GALNT13: variants seen among roughly 807,000 people sequenced by gnomAD.
GALNT13 encodes polypeptide N-acetylgalactosaminyltransferase 13, also known as UDP-GalNAc:polypeptide N-acetylgalactosaminyltransferase 13.
In GALNT13, 28 loss-of-function variants were observed where a neutral mutation model predicts 64.2. The ratio of observed to expected loss-of-function variants is 0.44; its 90% CI spans 0.32 to 0.60. The LOEUF (loss-of-function observed/expected upper bound fraction) is 0.60, where lower values mean the gene tolerates loss of function less well. Ranked by LOEUF, GALNT13 falls within the 20% of genes least tolerant of loss-of-function variation. The pLI is 0.05. For synonymous variants in GALNT13, 214 were observed against 224.6 expected (o/e 0.95, Z 0.42); for missense variants, 577 against 669.8 (o/e 0.86, Z 1.53).
chr2:154,232,369 T>G (rs917651384), intron 4 of GALNT13, among the ~76,000 whole-genome samples: 1 of 152,264 alleles, frequency 6.6e-6, no homozygotes, highest in East Asian at 1.9e-4. Flanking sequence ...TTCCCATTTA[T>G]TCCCAGTGAA....
At chr2:153,071,703 C>G in the GALNT13 span, among the ~76,000 whole-genome samples, 1 of 152,164 alleles carries the variant, frequency 6.6e-6, no homozygotes, top group African/African-American at 2.4e-5. Context: ...AATCCCCTTT[C>G]TGAAGAAATT....
At chr2:154,329,137 GCT>G (rs551960513) in intron 9 of GALNT13, among the ~76,000 whole-genome samples, 1 of 152,008 alleles carries the variant, frequency 6.6e-6, no homozygotes, top group Admixed American at 6.6e-5. Context: ...GATGAATCTA[GCT>G]CTGTCACCCA....
chr2:154,110,322 T>G lies in GALNT13; in HGVS notation c.143-30015T>G, dbSNP rs1309269983. 2.2e-3 allele frequency among the ~76,000 whole-genome samples: 71 copies of G among 32,548 alleles called. 6 individuals are homozygous for G. Among genetic ancestry groups the G allele is most frequent in the African/African-American group, 8.9e-3 (59 of 6,636 alleles). The allele number at this position is 32,548 out of a possible 152,430, so 21.4% of individuals were successfully genotyped here. On this transcript the variant is annotated intron_variant, in intron 3 of 12. Coordinates refer to ENST00000392825, the MANE Select transcript of GALNT13 (RefSeq NM_052917.4). Reference sequence around the variant, plus strand: ...ATATATATATATATATATATATATATATATATATATATATAGAGAGAGAGA... The same window carrying G: ...ATATATATATATATATATATATATAGATATATATATATATAGAGAGAGAGA...
chr2:154,212,843 T>C (rs986375798), intron 4 of GALNT13, among the ~76,000 whole-genome samples: 1 of 152,104 alleles, frequency 6.6e-6, no homozygotes, highest in Non-Finnish European at 1.5e-5. Flanking sequence ...GTTTTTTTTT[T>C]TCAGACTTGT....
In GALNT13 at chr2:154,396,080, A is replaced by C; in HGVS notation, c.1246A>C (p.Asn416His). The change falls in exon 10 of 13, where the codon AAC becomes CAC. Residue 416 changes from asparagine (N) to histidine (H), a missense_variant. Asn to His is a moderately conservative substitution (Grantham distance 68). Coordinates refer to ENST00000392825, the MANE Select transcript of GALNT13 (RefSeq NM_052917.4). The part of the protein sequence containing the change: ...KCKPFSWYLE[N>H]IYPDSQIPRR... Reference sequence around the variant, plus strand: ...TAAGCCCTTTTCTTGGTACCTAGAAAACATCTATCCGGACTCCCAGATCCC... The same window carrying C: ...TAAGCCCTTTTCTTGGTACCTAGAACACATCTATCCGGACTCCCAGATCCC... 6.2e-7 allele frequency: 1 copy of C among 1,610,956 alleles called. No homozygotes were observed. The highest frequency in any genetic ancestry group is 1.3e-5 in the African/African-American group (1 of 74,874).
At chr2:153,805,240 A>AGG in the GALNT13 span, among the ~76,000 whole-genome samples, 1 of 152,042 alleles carries the variant, frequency 6.6e-6, no homozygotes, top group Non-Finnish European at 1.5e-5. Flanking sequence ...AATCAAAGCA[A>AGG]GGGTATAGAA....
the GALNT13 span, among the ~76,000 whole-genome samples, chr2:153,318,626 C>T: frequency 1.3e-5 from 2 of 152,166 alleles, no homozygotes; most frequent in Admixed American, 6.6e-5. Flanking sequence ...GCCTTTGTTT[C>T]CAGCTGGGCC....
chr2:153,562,060 CTGTGTGTGTGTG>C, the GALNT13 span, among the ~76,000 whole-genome samples: 6,994 of 118,838 alleles, frequency 0.059, 250 homozygotes, highest in Middle Eastern at 0.11. Context: ...CTCTCTCTCT[CTGTGTGTGTGTG>C]TGTGTGTGTG....
chr2:153,672,986 C>G, the GALNT13 span, among the ~76,000 whole-genome samples: 3 of 152,150 alleles, frequency 2.0e-5, no homozygotes, highest in African/African-American at 4.8e-5. Flanking sequence ...TGGACACATA[C>G]ACCCTCTCAA....
the GALNT13 span, among the ~76,000 whole-genome samples, chr2:153,244,471 A>G: frequency 1.3e-5 from 2 of 152,150 alleles, no homozygotes; most frequent in African/African-American, 4.8e-5. Flanking sequence ...TCTCACTGGT[A>G]CTGGTTAGGC....
intron 9 of GALNT13, among the ~76,000 whole-genome samples, chr2:154,345,777 T>A (rs1400045066): frequency 6.6e-6 from 1 of 152,064 alleles, no homozygotes; most frequent in Admixed American, 6.6e-5. Flanking sequence ...CAGGTACAAA[T>A]GCTCATTTCT....
chr2:153,500,781 G>C, the GALNT13 span, among the ~76,000 whole-genome samples: 1 of 152,122 alleles, frequency 6.6e-6, no homozygotes, highest in African/African-American at 2.4e-5. Context: ...TTTTAGGGTA[G>C]TCACAGTCAA....
the GALNT13 span, among the ~76,000 whole-genome samples, chr2:153,663,245 T>C: frequency 6.6e-6 from 1 of 152,134 alleles, no homozygotes; most frequent in Non-Finnish European, 1.5e-5. Flanking sequence ...GTAAAAACAA[T>C]GCAAAGCAGA....
intron 4 of GALNT13, among the ~76,000 whole-genome samples, chr2:154,180,868 A>G (rs1481939834): frequency 6.6e-6 from 1 of 152,242 alleles, no homozygotes; most frequent in East Asian, 1.9e-4. Flanking sequence ...AAATGAAAAT[A>G]TAGTTGACCC....
At chr2:153,283,194 G>C in the GALNT13 span, among the ~76,000 whole-genome samples, 1 of 152,162 alleles carries the variant, frequency 6.6e-6, no homozygotes, top group African/African-American at 2.4e-5. Context: ...CAGTTTCCCT[G>C]ATGGCGGGCA....
At chr2:153,886,568 A>G (rs1318628161) in intron 1 of GALNT13, among the ~76,000 whole-genome samples, 2 of 152,084 alleles carry the variant, frequency 1.3e-5, no homozygotes, top group African/African-American at 2.4e-5. Flanking sequence ...GTTCTCACTC[A>G]TAGGTGGGAA....
chr2:153,550,636 G>T, the GALNT13 span, among the ~76,000 whole-genome samples: 3 of 152,120 alleles, frequency 2.0e-5, no homozygotes, highest in Non-Finnish European at 4.4e-5. Flanking sequence ...ACCAACAACA[G>T]TCACATCTTG....
intron 1 of GALNT13, among the ~76,000 whole-genome samples, chr2:153,898,832 T>C (rs1446591327): frequency 8.1e-6 from 1 of 122,856 alleles, no homozygotes; most frequent in African/African-American, 3.2e-5. Flanking sequence ...ATAATAAAGG[T>C]AAATTCTTCC....
intron 9 of GALNT13, among the ~76,000 whole-genome samples, chr2:154,316,735 A>C (rs1388944180): frequency 6.6e-6 from 1 of 152,160 alleles, no homozygotes; most frequent in Admixed American, 6.5e-5. Flanking sequence ...CCCAAGTCCC[A>C]GTGTGGGGGT....
Sources: gnomAD v4.1 joint callset for allele counts (sites outside exome capture counted in the v4.1 genomes callset) on GRCh38, gnomAD v4.1.1 for gene constraint, MANE v1.5 for transcripts, NCBI Gene and HGNC (gene_info 2026-07-23, HGNC 2026-07-21) for gene names.